The following FGGY variants were observed in gnomAD, a reference collection of about 807,000 sequenced individuals.
The protein encoded by FGGY is FGGY carbohydrate kinase domain containing, also known as FGGY carbohydrate kinase domain-containing protein.
FGGY carries 72 observed loss-of-function variants against 71.3 expected under a neutral mutation model. That is an observed-to-expected ratio of 1.01 (90% CI 0.84 to 1.23). FGGY has a LOEUF of 1.23. Ranked by LOEUF, FGGY falls within the 50% of genes most tolerant of loss-of-function variation. FGGY has a pLI of 0.00. For synonymous variants in FGGY, 251 were observed against 250.3 expected, an observed-to-expected ratio of 1.00 and a Z score of -0.02; for missense variants, 668 against 682.3, an observed-to-expected ratio of 0.98 and a Z score of 0.23.
intron 6 of FGGY, among the ~76,000 whole-genome samples, chr1:59,487,082 G>A (rs369064436): frequency 1.1e-3 from 170 of 152,206 alleles, no homozygotes; most frequent in African/African-American, 4.0e-3. Flanking sequence ...AGTGTATATA[G>A]AACTGTACAT....
chr1:59,694,499 C>T (rs2097637445), intron 14 of FGGY, among the ~76,000 whole-genome samples: 1 of 151,950 alleles, frequency 6.6e-6, no homozygotes. Flanking sequence ...TGCTCTGATC[C>T]TTGGCTATGA....
chr1:59,648,762 C>G (rs2097126060), intron 11 of FGGY, among the ~76,000 whole-genome samples: 1 of 151,860 alleles, frequency 6.6e-6, no homozygotes. Context: ...AATTAGATCC[C>G]ATTTGTCAAT....
intron 1 of FGGY, among the ~76,000 whole-genome samples, chr1:59,314,879 T>A (rs1402076985): frequency 6.6e-6 from 1 of 152,196 alleles, no homozygotes; most frequent in Non-Finnish European, 1.5e-5. Flanking sequence ...ACTTCTGCAC[T>A]CCGTCTTGGA....
intron 7 of FGGY, among the ~76,000 whole-genome samples, chr1:59,539,284 A>T (rs1379743775): frequency 6.6e-6 from 1 of 152,206 alleles, no homozygotes; most frequent in African/African-American, 2.4e-5. Context: ...ACATCCTAAA[A>T]CTTAGATGGA....
At chr1:59,398,014 C>T (rs2061523081) in intron 5 of FGGY, among the ~76,000 whole-genome samples, 2 of 152,110 alleles carry the variant, frequency 1.3e-5, no homozygotes, top group East Asian at 3.9e-4. Flanking sequence ...AGGATGGGGG[C>T]CCTTCTAATT....
intron 7 of FGGY, among the ~76,000 whole-genome samples, chr1:59,536,152 C>T (rs1007291969): frequency 1.3e-5 from 2 of 151,476 alleles, no homozygotes; most frequent in Admixed American, 6.6e-5. Flanking sequence ...GGGATATCAC[C>T]ACCGATCCCA....
chr1:59,648,952 T>G (rs1198767414), intron 11 of FGGY, among the ~76,000 whole-genome samples: 1 of 151,674 alleles, frequency 6.6e-6, no homozygotes, highest in African/African-American at 2.4e-5. Context: ...GGATCCAGTT[T>G]CAGCTTCCTA....
chr1:59,749,413 TA>T (rs1317251535), intron 14 of FGGY, among the ~76,000 whole-genome samples: 1 of 152,130 alleles, frequency 6.6e-6, no homozygotes, highest in Non-Finnish European at 1.5e-5. Flanking sequence ...TGACACTAAC[TA>T]ACTGGGGTCA....
At chr1:59,325,767 A>G (rs550142023) in intron 2 of FGGY, among the ~76,000 whole-genome samples, 10 of 152,360 alleles carry the variant, frequency 6.6e-5, no homozygotes, top group African/African-American at 2.4e-4. Context: ...TGGGGCAGGA[A>G]GGACAACTAT....
intron 14 of FGGY, among the ~76,000 whole-genome samples, chr1:59,688,814 A>C (rs1470048302): frequency 6.6e-6 from 1 of 151,088 alleles, no homozygotes; most frequent in Non-Finnish European, 1.5e-5. Context: ...CAGTGGCGCA[A>C]TCTTGGCTCA....
chr1:59,552,560 A>G (rs1011575566), intron 7 of FGGY, among the ~76,000 whole-genome samples: 2 of 152,296 alleles, frequency 1.3e-5, no homozygotes, highest in Admixed American at 1.3e-4. Context: ...TCTAGCAAGT[A>G]TCTGAGCAGC....
intron 5 of FGGY, among the ~76,000 whole-genome samples, chr1:59,435,351 C>G (rs1224430559): frequency 6.6e-6 from 1 of 152,218 alleles, no homozygotes; most frequent in African/African-American, 2.4e-5. Context: ...ACTTCTACTC[C>G]TGCCCCTCCA....
chr1:59,415,792 G>A (rs567989833), intron 5 of FGGY, among the ~76,000 whole-genome samples: 1 of 152,164 alleles, frequency 6.6e-6, no homozygotes, highest in East Asian at 1.9e-4. Context: ...ATGTTGCCCA[G>A]CTTCTACCAC....
At chr1:59,420,706 C>T (rs1014252921) in intron 5 of FGGY, among the ~76,000 whole-genome samples, 8 of 152,180 alleles carry the variant, frequency 5.3e-5, no homozygotes, top group Admixed American at 2.0e-4. Flanking sequence ...AAATGTACTC[C>T]ATATGTTTCT....
At position 59,640,874 on chromosome 1, in the gene FGGY, A is replaced by G. The variant is rs143644864; in HGVS notation, c.1221+2499A>G. ...TCATCAAACAAATACAGGCCCTGTT[A>G]CAGTTGTTGGGGGATATAAGAGTAG... On this transcript the variant is annotated intron_variant, in intron 11 of 15. Coordinates refer to ENST00000303721, the MANE Select transcript of FGGY (RefSeq NM_018291.5). 5.0e-4 allele frequency among the ~76,000 whole-genome samples: 75 copies of G among 151,182 alleles called. 4 individuals are homozygous for G. The highest frequency in any genetic ancestry group is 1.6e-3 in the African/African-American group (67 of 40,648).
At chr1:59,382,598 G>A (rs1472410186) in intron 5 of FGGY, among the ~76,000 whole-genome samples, 1 of 152,186 alleles carries the variant, frequency 6.6e-6, no homozygotes, top group Non-Finnish European at 1.5e-5. Context: ...CTTTTGGTGT[G>A]ATGTTAATTG....
At chr1:59,499,822 C>T (rs12087769) in intron 6 of FGGY, among the ~76,000 whole-genome samples, 4,329 of 152,228 alleles carry the variant, frequency 0.028, 197 homozygotes, top group African/African-American at 0.099. Context: ...AACATAGCTG[C>T]TATTAAAGTA....
intron 5 of FGGY, among the ~76,000 whole-genome samples, chr1:59,455,870 C>T (rs373123558): frequency 2.0e-5 from 3 of 152,174 alleles, no homozygotes; most frequent in South Asian, 2.1e-4. Flanking sequence ...GGCAAAGGCA[C>T]TGAAGTATGT....
intron 14 of FGGY, chr1:59,699,456 T>C (rs1396438139): frequency 2.1e-6 from 2 of 951,852 alleles, no homozygotes; most frequent in Non-Finnish European, 2.5e-6. Context: ...GAACATTGCA[T>C]GGGCTGCTAA....
Sources: gnomAD v4.1 joint callset for allele counts (sites outside exome capture counted in the v4.1 genomes callset) on GRCh38, gnomAD v4.1.1 for gene constraint, MANE v1.5 for transcripts, NCBI Gene and HGNC (gene_info 2026-07-23, HGNC 2026-07-21) for gene names.